Variants in MXI1 observed in about 807,000 individuals in gnomAD.
MXI1 encodes the protein MAX interactor 1, dimerization protein, also known as max-interacting protein 1.
In MXI1, 18 loss-of-function variants were observed where a neutral mutation model predicts 36.9. The observed-to-expected ratio is 0.49, with a 90% CI of 0.34 to 0.72. The LOEUF is 0.72. MXI1 is among the 30% of genes least tolerant of loss of function. The pLI is 0.01. For synonymous variants in MXI1, 160 were observed against 146.7 expected (o/e 1.09, Z -0.65); for missense variants, 304 against 379.1 (o/e 0.80, Z 1.64).
rs7098954 is a variant in MXI1, at chr10:110,270,379, G to A, written c.438-8801G>A. Among the ~76,000 whole-genome samples the A allele has an allele frequency of 4.2e-3, 631 of 152,016 alleles. 7 individuals carry two copies. The highest frequency in any genetic ancestry group is 0.015 in the African/African-American group (614 of 41,454). On this transcript the variant is annotated intron_variant, in intron 3 of 5. Coordinates refer to ENST00000332674, the MANE Select transcript of MXI1 (RefSeq NM_130439.3). ...GCAATTTCTGTTAAATCACTTTGGA[G>A]TTTGGGTTCCTTGTGGGAGTTCCAG...
At chr10:110,221,807 C>A (rs1255900982) in intron 1 of MXI1, among the ~76,000 whole-genome samples, 1 of 152,182 alleles carries the variant, frequency 6.6e-6, no homozygotes, top group African/African-American at 2.4e-5. Flanking sequence ...CTCCCCCTGG[C>A]GTTCCCCCCA....
intron 2 of MXI1, among the ~76,000 whole-genome samples, chr10:110,243,291 A>G (rs1855741256): frequency 6.6e-6 from 1 of 152,082 alleles, no homozygotes; most frequent in African/African-American, 2.4e-5. Flanking sequence ...CTCAAAGGAG[A>G]AGTCCTTTTG....
intron 1 of MXI1, among the ~76,000 whole-genome samples, chr10:110,216,670 T>TTGTTTTGTTTTGTTTTGTTTTTTG (rs1854649831): frequency 1.1e-5 from 1 of 90,930 alleles, no homozygotes; most frequent in Non-Finnish European, 1.8e-5. Flanking sequence ...TTAATGTTTT[T>TTGTTTTGTTTTGTTTTGTTTTTTG]TTTTTTTTTT....
chr10:110,279,762 A>C, intron 4 of MXI1, 152 bp from the exon 5 acceptor site: 1 of 490,892 alleles, frequency 2.0e-6, no homozygotes, highest in Non-Finnish European at 3.4e-6. Flanking sequence ...ATTTATATGC[A>C]TTCTCATTTT....
At chr10:110,279,356 GATTCCT>G in intron 4 of MXI1, 62 bp downstream of exon 4, 2 of 1,362,396 alleles carry the variant, frequency 1.5e-6, no homozygotes, top group South Asian at 1.2e-5. Context: ...TATTGGCACT[GATTCCT>G]ATTCATATAC....
intron 2 of MXI1, among the ~76,000 whole-genome samples, chr10:110,232,833 A>T (rs1398045182): frequency 1.3e-5 from 2 of 152,244 alleles, no homozygotes; most frequent in African/African-American, 2.4e-5. Context: ...GAAAAACAGC[A>T]TGTAGTATTT....
intron 1 of MXI1, among the ~76,000 whole-genome samples, chr10:110,222,794 G>A (rs1407465535): frequency 6.6e-6 from 1 of 152,182 alleles, no homozygotes; most frequent in Non-Finnish European, 1.5e-5. Flanking sequence ...GGTTCCTCCG[G>A]GCTGAGACTG....
At chr10:110,246,996 A>G (rs1855890559) in intron 3 of MXI1, among the ~76,000 whole-genome samples, 1 of 152,144 alleles carries the variant, frequency 6.6e-6, no homozygotes, top group Admixed American at 6.5e-5. Flanking sequence ...ATATTGATAA[A>G]CATGTGGCTT....
chr10:110,250,829 CAA>C (rs113320766), intron 3 of MXI1, among the ~76,000 whole-genome samples: 6,832 of 101,622 alleles, frequency 0.067, 227 homozygotes, highest in Middle Eastern at 0.2. Context: ...AAGACTTTGT[CAA>C]AAAAAAAAAA....
intron 3 of MXI1, among the ~76,000 whole-genome samples, chr10:110,266,546 A>C (rs1383457628): frequency 6.6e-6 from 1 of 152,166 alleles, no homozygotes; most frequent in African/African-American, 2.4e-5. Context: ...GGGACAGATC[A>C]ATCTATCATT....
intron 2 of MXI1, among the ~76,000 whole-genome samples, chr10:110,230,479 A>C (rs1855220328): frequency 6.6e-6 from 1 of 152,228 alleles, no homozygotes; most frequent in Admixed American, 6.5e-5. Context: ...TTTTATGGGA[A>C]TATAAGTAGC....
At chr10:110,249,086 A>G (rs1855975084) in intron 3 of MXI1, among the ~76,000 whole-genome samples, 1 of 152,134 alleles carries the variant, frequency 6.6e-6, no homozygotes, top group Non-Finnish European at 1.5e-5. Flanking sequence ...CATCATTTTT[A>G]TTTGACGTGT....
Position 110,285,005 on chromosome 10 carries a change from C to G in MXI1, c.*18C>G. The G allele has an allele frequency of 6.3e-7, 1 of 1,589,656 alleles. No homozygotes were observed. Among genetic ancestry groups the G allele is most frequent in the Non-Finnish European group, 8.6e-7 (1 of 1,169,374 alleles). ...CTTCATAGAACCCAGCATGACATAA[C>G]AGTGCAGGGCAAAATATTCACTGGG... On this transcript the variant is annotated 3_prime_UTR_variant, in exon 6 of 6. Coordinates refer to ENST00000332674, the MANE Select transcript of MXI1 (RefSeq NM_130439.3).
At chr10:110,260,416 G>GGTGTGT (rs151334728) in intron 3 of MXI1, among the ~76,000 whole-genome samples, 286 of 144,654 alleles carry the variant, frequency 2.0e-3, no homozygotes, top group African/African-American at 5.1e-3. Context: ...CCTTGATACA[G>GGTGTGT]GTGTGTGTGT....
chr10:110,223,292 C>A (rs1854865018), intron 1 of MXI1, among the ~76,000 whole-genome samples: 2 of 152,188 alleles, frequency 1.3e-5, no homozygotes, highest in South Asian at 4.1e-4. Flanking sequence ...CACAAGTTTA[C>A]CTCCTATTGA....
chr10:110,240,709 A>G (rs1855641430), intron 2 of MXI1, among the ~76,000 whole-genome samples: 1 of 150,912 alleles, frequency 6.6e-6, no homozygotes, highest in African/African-American at 2.4e-5. Context: ...TGCCCTCTAC[A>G]TGTATGTGTA....
intron 3 of MXI1, among the ~76,000 whole-genome samples, chr10:110,252,508 T>A (rs1449567748): frequency 2.0e-5 from 3 of 152,162 alleles, no homozygotes; most frequent in Non-Finnish European, 4.4e-5. Flanking sequence ...TCATCATTAT[T>A]TAGTTCTCAA....
intron 3 of MXI1, among the ~76,000 whole-genome samples, chr10:110,247,192 A>C (rs1282267983): frequency 6.6e-6 from 1 of 152,102 alleles, no homozygotes; most frequent in Non-Finnish European, 1.5e-5. Flanking sequence ...TTCTTTCGAG[A>C]AGTGTCTGTC....
intron 3 of MXI1, among the ~76,000 whole-genome samples, chr10:110,272,915 C>A (rs1383475266): frequency 2.0e-5 from 3 of 151,918 alleles, no homozygotes; most frequent in Admixed American, 1.3e-4. Context: ...CACTAGGGAC[C>A]TGCCACTTGC....
Sources: gnomAD v4.1 joint callset for allele counts (sites outside exome capture counted in the v4.1 genomes callset) on GRCh38, gnomAD v4.1.1 for gene constraint, MANE v1.5 for transcripts, NCBI Gene and HGNC (gene_info 2026-07-23, HGNC 2026-07-21) for gene names.